Variants in DMD observed in about 807,000 individuals in gnomAD.
DMD encodes the protein mutant dystrophin.
In DMD, 63 loss-of-function variants were observed where a neutral mutation model predicts 330.1. That is an observed-to-expected ratio of 0.19 (90% CI 0.16 to 0.24). The LOEUF is 0.24. Ranked by LOEUF, DMD falls within the 10% of genes least tolerant of loss-of-function variation. The pLI is 1.00. For synonymous variants in DMD, 1,223 were observed against 959.8 expected (o/e 1.27, Z -5.07); for missense variants, 3,344 against 2,684.1 (o/e 1.25, Z -5.43).
intron 63 of DMD, among the ~76,000 whole-genome samples, chrX:31,238,667 C>G (rs1024106230): frequency 1.8e-5 from 2 of 111,986 alleles, no homozygotes; most frequent in Non-Finnish European, 1.9e-5. Flanking sequence ...CATTCAAGAC[C>G]AAATCTTTCT....
At chrX:31,477,756 T>G (rs1415128646) in intron 59 of DMD, among the ~76,000 whole-genome samples, 1 of 106,634 alleles carries the variant, frequency 9.4e-6, no homozygotes, top group Non-Finnish European at 1.9e-5. Flanking sequence ...TGTTTTATTT[T>G]TCTGTATTCT....
At chrX:31,143,706 T>C (rs2036353820) in intron 76 of DMD, among the ~76,000 whole-genome samples, 1 of 111,900 alleles carries the variant, frequency 8.9e-6, no homozygotes, top group South Asian at 3.8e-4. Flanking sequence ...TAATGTGCAC[T>C]TTAATTTGAG....
At chrX:32,460,164 C>T (rs1359580179) in intron 25 of DMD, among the ~76,000 whole-genome samples, 2 of 110,200 alleles carry the variant, frequency 1.8e-5, no homozygotes, top group Non-Finnish European at 3.8e-5. Flanking sequence ...CAAACCAAAA[C>T]CACAATGAGG....
chrX:31,836,362 C>T (rs1818392525), intron 49 of DMD, among the ~76,000 whole-genome samples: 1 of 112,004 alleles, frequency 8.9e-6, no homozygotes, highest in South Asian at 3.7e-4. Context: ...GATGCAGTAG[C>T]TTGATTTGAA....
chrX:32,234,834 C>T (rs1320783902), intron 43 of DMD, among the ~76,000 whole-genome samples: 1 of 111,042 alleles, frequency 9.0e-6, no homozygotes, highest in African/African-American at 3.3e-5. Flanking sequence ...TACCTTATGG[C>T]CAATTCAAGT....
intron 44 of DMD, among the ~76,000 whole-genome samples, chrX:32,028,375 T>C (rs1226672074): frequency 9.0e-6 from 1 of 110,860 alleles, no homozygotes; most frequent in Admixed American, 9.6e-5. Context: ...GGAGGGAAAA[T>C]GTAGTTGGAA....
chrX:31,483,200 C>G (rs917528989), intron 57 of DMD, among the ~76,000 whole-genome samples: 14 of 108,474 alleles, frequency 1.3e-4, no homozygotes, highest in African/African-American at 1.7e-4. Context: ...GCGCCCGCCA[C>G]CACGCCCAGC....
At chrX:32,610,535 A>AAT (rs1209754208) in intron 12 of DMD, among the ~76,000 whole-genome samples, 4 of 111,475 alleles carry the variant, frequency 3.6e-5, no homozygotes, top group African/African-American at 1.3e-4. Context: ...GCATATCTGT[A>AAT]ATATTCACAG....
chrX:32,949,632 A>G (rs898514534), intron 2 of DMD, among the ~76,000 whole-genome samples: 2 of 111,313 alleles, frequency 1.8e-5, no homozygotes, highest in African/African-American at 6.5e-5. Flanking sequence ...TTACATTCAA[A>G]GTGTTGCCTG....
chrX:32,776,472 T>C (rs777186701), intron 7 of DMD, among the ~76,000 whole-genome samples: 1 of 110,997 alleles, frequency 9.0e-6, no homozygotes, highest in Non-Finnish European at 1.9e-5. Flanking sequence ...GACTCACAGT[T>C]CTACATGGGT....
At chrX:33,264,016 C>T (rs1181701062) in intron 1 of DMD, among the ~76,000 whole-genome samples, 1 of 110,931 alleles carries the variant, frequency 9.0e-6, no homozygotes, top group African/African-American at 3.3e-5. Flanking sequence ...TTTGGATAGT[C>T]TTCTATGTTA....
intron 29 of DMD, among the ~76,000 whole-genome samples, chrX:32,413,490 C>T (rs753486334): frequency 1.8e-5 from 2 of 110,024 alleles, no homozygotes; most frequent in Non-Finnish European, 3.8e-5. Flanking sequence ...CTAAATAGTT[C>T]TTGATTCCAA....
At chrX:32,864,652 T>C (rs1053815665) in intron 2 of DMD, among the ~76,000 whole-genome samples, 6 of 111,648 alleles carry the variant, frequency 5.4e-5, no homozygotes, top group South Asian at 3.8e-4. Flanking sequence ...TTATATCATT[T>C]GACATCGGGG....
At chrX:31,383,843 C>G (rs1490139709) in intron 60 of DMD, among the ~76,000 whole-genome samples, 2 of 111,741 alleles carry the variant, frequency 1.8e-5, no homozygotes, top group Non-Finnish European at 3.8e-5. Context: ...GCTCTGTCCC[C>G]TTTTCAGCTC....
Position 32,283,957 on chromosome X carries a change from C to CT in DMD, c.6290+3571dup, listed in dbSNP as rs201218482. On this transcript the variant is annotated intron_variant, in intron 43 of 78. Coordinates refer to ENST00000357033, the MANE Select transcript of DMD (RefSeq NM_004006.3). ...ACAGCAAGAATAAATAATTTAGATACTTTTTTTTTGCAGTGACGATAGCAA... is the reference window on the plus strand; with the variant it reads ...ACAGCAAGAATAAATAATTTAGATACTTTTTTTTTTGCAGTGACGATAGCAA... Among the ~76,000 whole-genome samples the CT allele has an allele frequency of 1.4e-3, 152 of 110,056 alleles. 1 individual carries two copies. The highest frequency in any genetic ancestry group is 4.1e-3 in the African/African-American group (123 of 30,320).
intron 9 of DMD, among the ~76,000 whole-genome samples, chrX:32,678,154 A>G (rs1000653054): frequency 1.8e-5 from 2 of 112,094 alleles, no homozygotes; most frequent in African/African-American, 6.5e-5. Flanking sequence ...TCATCATGCA[A>G]GATGAATAAA....
intron 16 of DMD, among the ~76,000 whole-genome samples, chrX:32,560,092 C>T (rs1056513564): frequency 1.8e-5 from 2 of 108,866 alleles, no homozygotes; most frequent in African/African-American, 6.7e-5. Context: ...GATATTTGAA[C>T]CTTAATAAGT....
At chrX:33,032,020 T>C (rs773952373) in intron 1 of DMD, among the ~76,000 whole-genome samples, 1 of 112,008 alleles carries the variant, frequency 8.9e-6, no homozygotes, top group South Asian at 3.7e-4. Flanking sequence ...TTGAACAAGT[T>C]GGTAGTTTAC....
intron 5 of DMD, among the ~76,000 whole-genome samples, chrX:32,821,128 C>T (rs1271874008): frequency 9.0e-6 from 1 of 111,030 alleles, no homozygotes; most frequent in Non-Finnish European, 1.9e-5. Context: ...TTTCTCTTCC[C>T]CTCTCCCCGC....
Sources: gnomAD v4.1 joint callset for allele counts (sites outside exome capture counted in the v4.1 genomes callset) on GRCh38, gnomAD v4.1.1 for gene constraint, MANE v1.5 for transcripts, NCBI Gene and HGNC (gene_info 2026-07-23, HGNC 2026-07-21) for gene names.